KLHL31: variants seen among roughly 807,000 people sequenced by gnomAD.
KLHL31 encodes the protein kelch like family member 31.
Under a neutral mutation model 47.1 loss-of-function variants are expected in KLHL31, and 32 were observed. The ratio of observed to expected loss-of-function variants is 0.68; its 90% CI spans 0.51 to 0.91. KLHL31 has a LOEUF of 0.91. Among genes scored for constraint, KLHL31 ranks in the 40% least tolerant of loss-of-function variants. The pLI is 0.00. For synonymous variants in KLHL31, 330 were observed against 325.1 expected, an observed-to-expected ratio of 1.01 and a Z score of -0.16; for missense variants, 797 against 819.3, an observed-to-expected ratio of 0.97 and a Z score of 0.33.
At chr6:53,660,494 A>G (rs1348826950) in intron 1 of KLHL31, among the ~76,000 whole-genome samples, 2 of 152,130 alleles carry the variant, frequency 1.3e-5, no homozygotes, top group Non-Finnish European at 2.9e-5. Flanking sequence ...GGAGAAGGAG[A>G]GGAACAGGCA....
rs1387367965 is a variant in KLHL31, at chr6:53,654,627, T to C, written c.646A>G (p.Ile216Val). ...DQFMKLTFEQ[I>V]NELLIDDDLQ... is the part of the protein sequence containing the mutation. The stretch of plus-strand genomic sequence containing the variant: ...TCATCATCTATAAGAAGTTCATTAA[T>C]TTGTTCAAATGTAAGTTTCATAAAC... Residue 216 changes from isoleucine to valine, a missense_variant, in exon 2 of 3, where the codon ATT (isoleucine) becomes GTT (valine). Coordinates refer to ENST00000370905, the MANE Select transcript of KLHL31 (RefSeq NM_001003760.5). 6.2e-7 allele frequency: 1 copy of C among 1,614,216 alleles called. No homozygotes were observed. The highest frequency in any genetic ancestry group is 8.5e-7 in the Non-Finnish European group (1 of 1,180,028).
intron 1 of KLHL31, among the ~76,000 whole-genome samples, chr6:53,658,607 T>C (rs1764604575): frequency 6.6e-6 from 1 of 152,034 alleles, no homozygotes; most frequent in African/African-American, 2.4e-5. Flanking sequence ...CTCAGAGAAG[T>C]TCAGGGCAGT....
chr6:53,664,350 G>GGTGAGTCC (rs1318829563), intron 1 of KLHL31, among the ~76,000 whole-genome samples: 1 of 152,208 alleles, frequency 6.6e-6, no homozygotes, highest in African/African-American at 2.4e-5. Flanking sequence ...CTGGGTATCA[G>GGTGAGTCC]GTGAGTCCAT....
chr6:53,652,593 A>C (rs1313956148), intron 2 of KLHL31, among the ~76,000 whole-genome samples: 1 of 152,134 alleles, frequency 6.6e-6, no homozygotes, highest in Non-Finnish European at 1.5e-5. Context: ...TTATGGGGCC[A>C]CTTGGAGAAG....
At chr6:53,658,351 G>A (rs562609856) in intron 1 of KLHL31, among the ~76,000 whole-genome samples, 3 of 152,214 alleles carry the variant, frequency 2.0e-5, no homozygotes, top group Non-Finnish European at 4.4e-5. Flanking sequence ...AGCCTGGGGA[G>A]TAATCTGAGT....
Position 53,652,032 on chromosome 6 carries a change from C to A in KLHL31, c.1471G>T (p.Asp491Tyr). Residue 491 changes from aspartate (D) to tyrosine (Y), a missense_variant, in exon 3 of 3, where the codon GAC becomes TAC. Physicochemically the swap from Asp to Tyr is radical, Grantham distance 160 (BLOSUM62 -3). Coordinates refer to ENST00000370905, the MANE Select transcript of KLHL31 (RefSeq NM_001003760.5). ...AGGTTCGGCAGCTCCTGCCACGAGT[C>A]GCTGGCCGGGTCGTAGGCGCACACA... ...RSVCAYDPASDSWQELPNLST... is the reference protein window; with the variant it reads ...RSVCAYDPASYSWQELPNLST... The A allele has an allele frequency of 1.9e-6, 3 of 1,592,282 alleles. No individual in the cohort carries two copies. The highest frequency in any genetic ancestry group is 2.6e-6 in the Non-Finnish European group (3 of 1,175,268).
At position 53,655,201 on chromosome 6, in the gene KLHL31, A is replaced by G. The variant is rs374038622; in HGVS notation, c.72T>C (p.Asp24=). 2.1e-5 allele frequency: 34 copies of G among 1,611,544 alleles called. No homozygotes were observed. The highest frequency in any genetic ancestry group is 5.4e-5 in the African/African-American group (4 of 74,760). Residue 24 remains aspartate, a synonymous_variant, in exon 2 of 3, where the codon GAT becomes GAC. Coordinates refer to ENST00000370905, the MANE Select transcript of KLHL31 (RefSeq NM_001003760.5). ...AAGCATTCAGTTTGTTTAGGGGGCT[A>G]TCTTCTACGATTATAGTCATCTCAT... is the stretch of plus-strand genomic sequence containing the variant. ...DINEMTIIVE[D]SPLNKLNALN... is the part of the protein sequence containing the mutation.
At position 53,650,006 on chromosome 6, in the gene KLHL31, AGT is replaced by A. The variant is rs1764442805; in HGVS notation, c.*1590_*1591del. 2 of 152,228 alleles carry A rather than the reference AGT, an allele frequency of 1.3e-5. No individual in the cohort carries two copies. Among genetic ancestry groups the A allele is most frequent in the South Asian group, 4.1e-4 (2 of 4,826 alleles). The allele number at this position is 152,228 out of a possible 1,614,324, so 9.4% of individuals were successfully genotyped here. ...GTAATGATATAAAATTGTTCCACAA[AGT>A]GTACTATATGAACCACTTTTCACAG... On this transcript the variant is annotated 3_prime_UTR_variant, in exon 3 of 3. Coordinates refer to ENST00000370905, the MANE Select transcript of KLHL31 (RefSeq NM_001003760.5).
At chr6:53,656,931 C>CTTT (rs10665063) in intron 1 of KLHL31, among the ~76,000 whole-genome samples, 21,280 of 97,612 alleles carry the variant, frequency 0.22, 3,456 homozygotes, top group East Asian at 0.36. Flanking sequence ...GTATTTTTAA[C>CTTT]TTTTTTTTTT....
rs1764560721 is a variant in KLHL31, at chr6:53,656,386, C to T, written c.-33-1081G>A. ...TACCAGATGCAAAAAATTAGAGGAA[C>T]TAAAAATTTTGGATCAGGAATAAAA... is the stretch of plus-strand genomic sequence containing the variant. On this transcript the variant is annotated intron_variant, in intron 1 of 2. Transcript: ENST00000370905. Among the ~76,000 whole-genome samples the T allele has an allele frequency of 2.6e-5, 4 of 151,668 alleles. No homozygotes were observed. The South Asian group carries it at 8.3e-4, about 32-fold the overall frequency.
Position 53,651,756 on chromosome 6 carries a change from A to C in KLHL31, c.1747T>G (p.Cys583Gly). ...AGCTCGGGGCTGAAGCACTGGATGC[A>C]CTTCTTGTACTTCTTCTCGCCCTCG... ...WNEGEKKYKK[C>G]IQCFSPELNE... Residue 583 changes from cysteine (C) to glycine (G), a missense_variant, in exon 3 of 3, where the codon TGC becomes GGC. By Grantham distance (159) the Cys-to-Gly change is radical. Transcript: ENST00000370905. 1 of 1,614,030 alleles carries C rather than the reference A, an allele frequency of 6.2e-7. No homozygotes were observed. Among genetic ancestry groups the C allele is most frequent in the Non-Finnish European group, 8.5e-7 (1 of 1,180,028 alleles).
chr6:53,656,189 G>T (rs1756390229), intron 1 of KLHL31, among the ~76,000 whole-genome samples: 1 of 152,122 alleles, frequency 6.6e-6, no homozygotes. Context: ...TTAACAGACA[G>T]GGACTCTACA....
intron 1 of KLHL31, among the ~76,000 whole-genome samples, chr6:53,662,108 A>G (rs1033060471): frequency 1.3e-5 from 2 of 152,116 alleles, no homozygotes; most frequent in African/African-American, 4.8e-5. Flanking sequence ...TATGATTAGT[A>G]TACCCTAGGG....
chr6:53,658,705 GAATTA>G (rs1262106612), intron 1 of KLHL31, among the ~76,000 whole-genome samples: 4 of 152,080 alleles, frequency 2.6e-5, no homozygotes, highest in Admixed American at 6.5e-5. Flanking sequence ...GATCCGAATA[GAATTA>G]AATTAGAAAT....
intron 1 of KLHL31, among the ~76,000 whole-genome samples, chr6:53,663,544 A>T (rs145987416): frequency 2.0e-5 from 3 of 152,226 alleles, no homozygotes; most frequent in African/African-American, 7.2e-5. Flanking sequence ...ATATGAAATT[A>T]TCATTTTTTG....
chr6:53,655,342 A>G (rs1764545539), intron 1 of KLHL31, 37 bp from the exon 2 acceptor site: 6 of 1,120,428 alleles, frequency 5.4e-6, no homozygotes, highest in Non-Finnish European at 7.4e-6. Flanking sequence ...TTTTGTTTTA[A>G]TTGTGCTTTA....
In KLHL31 at chr6:53,652,089, C is replaced by G. The variant is rs142951328; in HGVS notation, c.1414G>C (p.Gly472Arg). 3.1e-6 allele frequency: 5 copies of G among 1,599,024 alleles called. No individual in the cohort carries two copies. The highest frequency in any genetic ancestry group is 1.1e-5 in the South Asian group (1 of 90,750). The change falls in exon 3 of 3, where the codon GGA becomes CGA. Residue 472 changes from glycine (G) to arginine (R), a missense_variant. Gly to Arg is a moderately radical substitution (Grantham distance 125, BLOSUM62 -2). Coordinates refer to ENST00000370905, the MANE Select transcript of KLHL31 (RefSeq NM_001003760.5). Reference sequence around the variant, plus strand: ...GAGTAGGCGTTGGCTATGTAGCCTCCGGTCACCAGCACGCGGCCGTCGGCG... The same window carrying G: ...GAGTAGGCGTTGGCTATGTAGCCTCGGGTCACCAGCACGCGGCCGTCGGCG... ...AVADGRVLVTGGYIANAYSRS... is the reference protein window; with the variant it reads ...AVADGRVLVTRGYIANAYSRS...
chr6:53,652,011 T>G lies in KLHL31; in HGVS notation c.1492A>C (p.Asn498His). The change falls in exon 3 of 3, where the codon AAC becomes CAC. Residue 498 changes from asparagine to histidine, a missense_variant. Asn to His is a moderately conservative substitution (Grantham distance 68). Transcript: ENST00000370905. ...PASDSWQELP[N>H]LSTPRGWHCA... ...TGCCAGCCCCGGGGTGTGCTGAGGT[T>G]CGGCAGCTCCTGCCACGAGTCGCTG... The G allele has an allele frequency of 6.3e-7, 1 of 1,591,614 alleles. No homozygotes were observed. The highest frequency in any genetic ancestry group is 1.1e-5 in the South Asian group (1 of 89,810).
chr6:53,648,804 T>A lies in KLHL31; in HGVS notation c.*2794A>T, dbSNP rs1764428765. 1 of 152,140 alleles carries A rather than the reference T, an allele frequency of 6.6e-6. No individual in the cohort carries two copies. Among genetic ancestry groups the A allele is most frequent in the Non-Finnish European group, 1.5e-5 (1 of 67,992 alleles). 9.4% of individuals were successfully genotyped at this position (152,140 alleles called of 1,614,324 possible). On this transcript the variant is annotated 3_prime_UTR_variant, in exon 3 of 3. Transcript: ENST00000370905. The stretch of plus-strand genomic sequence containing the variant: ...AGAACCTAACTAAAAATGGACAAAG[T>A]ATGTTAAAGTTTGGCTTCCTGGAGA...
Sources: allele counts gnomAD v4.1 joint callset (sites outside exome capture counted in the v4.1 genomes callset), GRCh38; gene constraint gnomAD v4.1.1; transcripts MANE v1.5; gene names NCBI Gene and HGNC (gene_info 2026-07-23, HGNC 2026-07-21).